The following RPS6KA3 variants were observed in gnomAD, a reference collection of about 807,000 sequenced individuals.
The protein encoded by RPS6KA3 is ribosomal protein S6 kinase A3.
Under a neutral mutation model 67.2 loss-of-function variants are expected in RPS6KA3, and 4 were observed. The observed-to-expected ratio is 0.06, with a 90% CI of 0.03 to 0.14. The LOEUF is 0.14. Among genes scored for constraint, RPS6KA3 ranks in the 10% least tolerant of loss-of-function variants. The probability of loss-of-function intolerance (pLI) is 1.00; values close to 1 mark genes in which losing one functional copy is unlikely to be tolerated. For synonymous variants in RPS6KA3, 182 were observed against 183.7 expected (o/e 0.99, Z 0.07); for missense variants, 204 against 559.0 (o/e 0.36, Z 6.40).
chrX:20,249,670 G>A (rs746982092), intron 1 of RPS6KA3, among the ~76,000 whole-genome samples: 1 of 112,025 alleles, frequency 8.9e-6, no homozygotes, highest in African/African-American at 3.2e-5. Context: ...TGAGTTTTGA[G>A]AGTTCTTTGA....
intron 1 of RPS6KA3, among the ~76,000 whole-genome samples, chrX:20,245,956 A>G (rs1356838569): frequency 1.8e-5 from 2 of 109,504 alleles, no homozygotes; most frequent in African/African-American, 3.3e-5. Context: ...CGTCTCTACT[A>G]AAAACACAAA....
At position 20,151,839 on chromosome X, in the gene RPS6KA3, C is replaced by T. The variant is rs1405304915; in HGVS notation, c.*3559G>A. 2 of 112,048 alleles carry T rather than the reference C, an allele frequency of 1.8e-5. No individual in the cohort carries two copies. Among genetic ancestry groups the T allele is most frequent in the East Asian group, 2.8e-4 (1 of 3,572 alleles). The allele number at this position is 112,048 out of a possible 1,213,427, so 9.2% of individuals were successfully genotyped here. A position where few individuals can be genotyped will look rare whatever the true frequency, so the allele number is the denominator to read the frequency against. Reference sequence around the variant, plus strand: ...CCTGCAAATCTTGAATGCTTTTCTGCTCTCATCCCAGGCTGGGCTTACCTG... The same window carrying T: ...CCTGCAAATCTTGAATGCTTTTCTGTTCTCATCCCAGGCTGGGCTTACCTG... On this transcript the variant is annotated 3_prime_UTR_variant, in exon 22 of 22. Coordinates refer to ENST00000379565, the MANE Select transcript of RPS6KA3 (RefSeq NM_004586.3).
chrX:20,198,404 T>C (rs2068331710), intron 4 of RPS6KA3, among the ~76,000 whole-genome samples: 1 of 112,193 alleles, frequency 8.9e-6, no homozygotes. Flanking sequence ...CCCAGGCATT[T>C]GGAGAAAGGC....
chrX:20,168,875 C>A (rs1033375959), intron 16 of RPS6KA3, among the ~76,000 whole-genome samples: 3 of 111,798 alleles, frequency 2.7e-5, no homozygotes, highest in Non-Finnish European at 5.6e-5. Flanking sequence ...GTTTTTGAGA[C>A]AGGGTCTTGC....
Position 20,155,384 on chromosome X carries a change from T to G in RPS6KA3, c.*14A>C. 1 of 1,209,951 alleles carries G rather than the reference T, an allele frequency of 8.3e-7. No homozygotes were observed. The highest frequency in any genetic ancestry group is 3.0e-5 in the East Asian group (1 of 33,784). The stretch of plus-strand genomic sequence containing the variant: ...AGCTTACACCATGGTACCAAATATC[T>G]CACTGAGGTCACTTCACAGGGCTGT... On this transcript the variant is annotated 3_prime_UTR_variant, in exon 22 of 22. Coordinates refer to ENST00000379565, the MANE Select transcript of RPS6KA3 (RefSeq NM_004586.3).
chrX:20,196,618 A>T (rs903220274), intron 4 of RPS6KA3, among the ~76,000 whole-genome samples: 2 of 111,603 alleles, frequency 1.8e-5, no homozygotes, highest in Non-Finnish European at 3.8e-5. Flanking sequence ...AGCAGCTAAA[A>T]AATGCCCTAT....
At chrX:20,166,388 C>T (rs986807884) in intron 17 of RPS6KA3, among the ~76,000 whole-genome samples, 1 of 111,487 alleles carries the variant, frequency 9.0e-6, no homozygotes, top group Admixed American at 9.6e-5. Flanking sequence ...CTGAGTTCTA[C>T]TAATTTCAAG....
At position 20,187,800 on chromosome X, in the gene RPS6KA3, T is replaced by C. The variant is rs116675221; in HGVS notation, c.774+28A>G. On this transcript the variant is annotated intron_variant, in intron 9 of 21. Transcript: ENST00000379565. ...TCCTCACTTAACAATCTCCTTCCCC[T>C]CTAAAAAATCCCAAATTCAAACCTT... is the stretch of plus-strand genomic sequence containing the variant. 8,929 of 1,173,390 alleles carry C rather than the reference T, an allele frequency of 7.6e-3. 200 individuals are homozygous for C. The African/African-American group carries it at 0.086, about 11-fold the overall frequency.
At chrX:20,186,489 CAA>C (rs1465508445) in intron 9 of RPS6KA3, 123 bp from the exon 10 acceptor site, 1 of 481,922 alleles carries the variant, frequency 2.1e-6, no homozygotes, top group Non-Finnish European at 3.6e-6. Context: ...TGCTACATAA[CAA>C]GTGTTTTCTA....
At chrX:20,246,182 GAT>G (rs1209647562) in intron 1 of RPS6KA3, among the ~76,000 whole-genome samples, 1 of 108,382 alleles carries the variant, frequency 9.2e-6, no homozygotes, top group African/African-American at 3.4e-5. Flanking sequence ...TCTGGAGCCT[GAT>G]ACATCAAGTT....
chrX:20,228,636 C>T (rs2069183086), intron 2 of RPS6KA3, among the ~76,000 whole-genome samples: 1 of 111,325 alleles, frequency 9.0e-6, no homozygotes, highest in Non-Finnish European at 1.9e-5. Context: ...CTGTTTTCAG[C>T]CCCATGCCAT....
intron 2 of RPS6KA3, among the ~76,000 whole-genome samples, chrX:20,212,226 G>A (rs1017542470): frequency 8.9e-6 from 1 of 111,861 alleles, no homozygotes; most frequent in African/African-American, 3.3e-5. Flanking sequence ...GGCTGGACAC[G>A]GTGGCTCATG....
At chrX:20,211,563 C>A (rs1433452502) in intron 2 of RPS6KA3, among the ~76,000 whole-genome samples, 2 of 107,981 alleles carry the variant, frequency 1.9e-5, no homozygotes, top group Non-Finnish European at 1.9e-5. Flanking sequence ...AAAAAAAAAA[C>A]CAAAACAACA....
At position 20,249,136 on chromosome X, in the gene RPS6KA3, T is replaced by C. The variant is rs142956139; in HGVS notation, c.70-14322A>G. Among the ~76,000 whole-genome samples the C allele has an allele frequency of 1.5e-4, 17 of 112,465 alleles. No individual in the cohort carries two copies. In the East Asian group the frequency reaches 4.4e-3, roughly 29 times the overall value. On this transcript the variant is annotated intron_variant, in intron 1 of 21. Transcript: ENST00000379565. ...TGAGATTCATCCAAGCTGTTGTGTGTATCGACAATTCATTCCTTTTTAGTT... is the reference window on the plus strand; with the variant it reads ...TGAGATTCATCCAAGCTGTTGTGTGCATCGACAATTCATTCCTTTTTAGTT...
chrX:20,231,214 T>C (rs2069255353), intron 2 of RPS6KA3, among the ~76,000 whole-genome samples: 1 of 111,293 alleles, frequency 9.0e-6, no homozygotes, highest in Admixed American at 9.5e-5. Flanking sequence ...TGCCTCAGCC[T>C]CCCAAAGTGC....
intron 1 of RPS6KA3, among the ~76,000 whole-genome samples, chrX:20,251,386 C>T (rs1357776042): frequency 8.8e-6 from 1 of 113,036 alleles, no homozygotes; most frequent in Non-Finnish European, 1.9e-5. Context: ...AAGCAATCCT[C>T]TTGCCTTGGC....
chrX:20,195,959 A>G (rs1334837945), intron 4 of RPS6KA3, among the ~76,000 whole-genome samples: 1 of 112,420 alleles, frequency 8.9e-6, no homozygotes, highest in Non-Finnish European at 1.9e-5. Flanking sequence ...TATGCAAAGT[A>G]GCACCATGAA....
intron 2 of RPS6KA3, among the ~76,000 whole-genome samples, chrX:20,232,664 C>T (rs766026512): frequency 8.9e-6 from 1 of 112,000 alleles, no homozygotes; most frequent in Non-Finnish European, 1.9e-5. Flanking sequence ...TTTAAAAAAA[C>T]ATATTACAAG....
At chrX:20,167,559 A>C in intron 17 of RPS6KA3, 30 bp downstream of exon 17, 1 of 1,166,741 alleles carries the variant, frequency 8.6e-7, no homozygotes, top group Non-Finnish European at 1.2e-6. Flanking sequence ...AAGTGTGTGT[A>C]TGTACATATA....
Sources: gnomAD v4.1 joint callset for allele counts (sites outside exome capture counted in the v4.1 genomes callset) on GRCh38, gnomAD v4.1.1 for gene constraint, MANE v1.5 for transcripts, NCBI Gene and HGNC (gene_info 2026-07-23, HGNC 2026-07-21) for gene names.